The following BCAS3 variants were observed in gnomAD, a reference collection of about 807,000 sequenced individuals.
The protein encoded by BCAS3 is BCAS4/BCAS3 fusion.
BCAS3 carries 53 observed loss-of-function variants against 116.1 expected under a neutral mutation model. The observed-to-expected ratio is 0.46, with a 90% CI of 0.37 to 0.57. BCAS3 has a LOEUF of 0.57. Among genes scored for constraint, BCAS3 ranks in the 20% least tolerant of loss-of-function variants. The probability of loss-of-function intolerance (pLI) is 0.00; values close to 1 mark genes in which losing one functional copy is unlikely to be tolerated. For synonymous variants in BCAS3, 391 were observed against 408.2 expected, an observed-to-expected ratio of 0.96 and a Z score of 0.51; for missense variants, 917 against 1,165.4, an observed-to-expected ratio of 0.79 and a Z score of 3.10.
intron 7 of BCAS3, among the ~76,000 whole-genome samples, chr17:60,863,489 G>A (rs2054328594): frequency 6.6e-6 from 1 of 152,006 alleles, no homozygotes; most frequent in South Asian, 2.1e-4. Flanking sequence ...GCTCATTCCT[G>A]TAATTCCAGC....
At position 60,847,346 on chromosome 17, in the gene BCAS3, C is replaced by T. The variant is rs148649104; in HGVS notation, c.477-21230C>T. Among the ~76,000 whole-genome samples, 165 of 152,124 alleles carry T rather than the reference C, an allele frequency of 1.1e-3. 1 individual carries two copies. Among genetic ancestry groups the T allele is most frequent in the East Asian group, 6.6e-3 (34 of 5,178 alleles). On this transcript the variant is annotated intron_variant, in intron 7 of 23. Transcript: ENST00000407086. ...TGCTTGCTTCCTCTTGGGTATATACCTAGGAGTAGAATTGCTGGGTCGTAT... is the reference window on the plus strand; with the variant it reads ...TGCTTGCTTCCTCTTGGGTATATACTTAGGAGTAGAATTGCTGGGTCGTAT...
intron 22 of BCAS3, among the ~76,000 whole-genome samples, chr17:61,094,566 G>A (rs909335977): frequency 5.3e-5 from 8 of 152,022 alleles, no homozygotes; most frequent in African/African-American, 1.7e-4. Context: ...GACATTTCTC[G>A]GCCGGACACG....
At position 61,258,181 on chromosome 17, in the gene BCAS3, G is replaced by A. The variant is rs147264457; in HGVS notation, c.2426-110146G>A. Among the ~76,000 whole-genome samples, 225 of 152,260 alleles carry A rather than the reference G, an allele frequency of 1.5e-3. No individual in the cohort carries two copies. The highest frequency in any genetic ancestry group is 2.6e-3 in the Non-Finnish European group (180 of 68,028). On this transcript the variant is annotated intron_variant, in intron 22 of 23. Coordinates refer to ENST00000407086, the MANE Select transcript of BCAS3 (RefSeq NM_017679.5). The surrounding 1 kb of genome is among the most constrained non-coding windows in gnomAD (Gnocchi z 4.7). ...TTTCTGATTATTCCAGTCAAAAATT[G>A]TCTTCTTTTCTCTGAATATCTTTGT...
chr17:61,305,764 C>T (rs181956852), intron 22 of BCAS3, among the ~76,000 whole-genome samples: 13 of 152,202 alleles, frequency 8.5e-5, no homozygotes. Flanking sequence ...GGTGTGGTAG[C>T]GTGCGGCTGT....
chr17:60,850,654 C>T (rs751394213), intron 7 of BCAS3, among the ~76,000 whole-genome samples: 6 of 152,028 alleles, frequency 3.9e-5, no homozygotes, highest in Non-Finnish European at 7.4e-5. Context: ...CCACTGCGCC[C>T]GGCCAATTTT....
intron 23 of BCAS3, chr17:61,383,364 C>G (rs1180450078): frequency 6.6e-6 from 1 of 152,326 alleles, no homozygotes; most frequent in Non-Finnish European, 1.5e-5. Context: ...CCCTCACATC[C>G]CAGCAGTGGA....
intron 7 of BCAS3, among the ~76,000 whole-genome samples, chr17:60,846,129 T>C (rs1437005725): frequency 3.3e-5 from 5 of 151,616 alleles, no homozygotes; most frequent in African/African-American, 9.7e-5. Context: ...GGGGTCTTGC[T>C]TTGTTGCACA....
chr17:61,094,112 G>A (rs2073812448), intron 22 of BCAS3, among the ~76,000 whole-genome samples: 1 of 152,278 alleles, frequency 6.6e-6, no homozygotes, highest in South Asian at 2.1e-4. Context: ...AAAGGCAATG[G>A]CACCTAACTA....
At chr17:60,718,234 C>A (rs1178596987) in intron 5 of BCAS3, among the ~76,000 whole-genome samples, 1 of 152,112 alleles carries the variant, frequency 6.6e-6, no homozygotes, top group Non-Finnish European at 1.5e-5. Flanking sequence ...CTAGAATATA[C>A]CCTTAAAATT....
At chr17:61,090,303 A>G (rs1368722803) in intron 22 of BCAS3, among the ~76,000 whole-genome samples, 1 of 152,236 alleles carries the variant, frequency 6.6e-6, no homozygotes, top group Non-Finnish European at 1.5e-5. Flanking sequence ...TGATGATTAT[A>G]AAGTGACAAA....
intron 12 of BCAS3, among the ~76,000 whole-genome samples, chr17:60,923,212 A>G (rs937068377): frequency 3.9e-5 from 6 of 152,232 alleles, no homozygotes; most frequent in African/African-American, 1.2e-4. Context: ...AGCTAGATCA[A>G]TAAGGCATAA....
intron 19 of BCAS3, among the ~76,000 whole-genome samples, chr17:61,064,297 C>G (rs7218462): frequency 6.6e-6 from 1 of 151,604 alleles, no homozygotes; most frequent in Non-Finnish European, 1.5e-5. Flanking sequence ...GTCAGCATAG[C>G]GATACCTATC....
chr17:60,991,870 T>C (rs1413531300), intron 15 of BCAS3, among the ~76,000 whole-genome samples: 1 of 152,134 alleles, frequency 6.6e-6, no homozygotes, highest in Non-Finnish European at 1.5e-5. Flanking sequence ...ATAGAATATA[T>C]GACCTTTTGT....
At chr17:61,247,934 C>T (rs567861468) in intron 22 of BCAS3, among the ~76,000 whole-genome samples, 7 of 152,302 alleles carry the variant, frequency 4.6e-5, no homozygotes, top group South Asian at 4.1e-4. Context: ...GAAGAGCAGC[C>T]GCACTTGTGG....
chr17:61,115,238 A>G (rs922823278), intron 22 of BCAS3, among the ~76,000 whole-genome samples: 10 of 152,228 alleles, frequency 6.6e-5, no homozygotes, highest in Admixed American at 4.6e-4. Context: ...AAATTGACAA[A>G]TGGAATCTAA....
chr17:60,807,860 TTTC>T (rs1375284438), intron 6 of BCAS3, 141 bp from the exon 7 acceptor site: 3 of 561,670 alleles, frequency 5.3e-6, no homozygotes, highest in East Asian at 3.0e-5. Context: ...TATAGTAGCT[TTTC>T]TTCTTTTTAT....
chr17:60,998,838 A>G (rs1197608937), intron 15 of BCAS3, among the ~76,000 whole-genome samples: 1 of 151,688 alleles, frequency 6.6e-6, no homozygotes, highest in African/African-American at 2.4e-5. Context: ...CCAGTTGTCA[A>G]TTTTTTTTGT....
chr17:60,985,009 CAAAA>C (rs762586066), intron 14 of BCAS3, among the ~76,000 whole-genome samples: 48 of 50,394 alleles, frequency 9.5e-4, no homozygotes, highest in African/African-American at 2.2e-3. Flanking sequence ...GACTCCATCT[CAAAA>C]AAAAAAAAAA....
chr17:60,972,239 C>T (rs761140483), intron 14 of BCAS3, among the ~76,000 whole-genome samples: 4 of 152,086 alleles, frequency 2.6e-5, no homozygotes, highest in South Asian at 2.1e-4. Flanking sequence ...TACATTGAAT[C>T]GGACTAAAGG....
Sources: gnomAD v4.1 joint callset for allele counts (sites outside exome capture counted in the v4.1 genomes callset) on GRCh38, gnomAD v4.1.1 for gene constraint, Gnocchi (gnomAD v3.1) non-coding constraint, MANE v1.5 for transcripts, NCBI Gene and HGNC (gene_info 2026-07-23, HGNC 2026-07-21) for gene names.